FSTL4: variants seen among roughly 807,000 people sequenced by gnomAD.
FSTL4 encodes follistatin like 4, also known as follistatin-related protein 4.
FSTL4 carries 28 observed loss-of-function variants against 78.2 expected under a neutral mutation model. That is an observed-to-expected ratio of 0.36 (90% CI 0.27 to 0.49). The LOEUF (loss-of-function observed/expected upper bound fraction) is 0.49. Ranked by LOEUF, FSTL4 falls within the 20% of genes least tolerant of loss-of-function variation. The pLI is 0.98. For synonymous variants in FSTL4, 422 were observed against 440.5 expected, an observed-to-expected ratio of 0.96 and a Z score of 0.53; for missense variants, 922 against 1,084.9, an observed-to-expected ratio of 0.85 and a Z score of 2.11.
At chr5:133,822,930 A>G in the FSTL4 span, among the ~76,000 whole-genome samples, 1 of 152,240 alleles carries the variant, frequency 6.6e-6, no homozygotes, top group South Asian at 2.1e-4. Context: ...ATCTTACCTA[A>G]ACTACAGCAG....
At chr5:133,672,139 T>C in the FSTL4 span, among the ~76,000 whole-genome samples, 2 of 152,266 alleles carry the variant, frequency 1.3e-5, no homozygotes, top group African/African-American at 4.8e-5. Flanking sequence ...CTTGGTGAGG[T>C]TAAAGTTGAG....
At position 133,392,405 on chromosome 5, in the gene FSTL4, A is replaced by G. The variant is rs146018381; in HGVS notation, c.409+8333T>C. ...AGGGATGGGGGCTGGTCCCTAGAAG[A>G]CAGTGGAACAGGGTTGCAGAGAGGA... is the stretch of plus-strand genomic sequence containing the variant. On this transcript the variant is annotated intron_variant, in intron 4 of 15. Coordinates refer to ENST00000265342, the MANE Select transcript of FSTL4 (RefSeq NM_015082.2). 7.2e-3 allele frequency among the ~76,000 whole-genome samples: 1,100 copies of G among 152,278 alleles called. 4 individuals are homozygous for G. Among genetic ancestry groups the G allele is most frequent in the Non-Finnish European group, 9.7e-3 (661 of 68,028 alleles).
chr5:133,301,545 C>T (rs78631470), intron 6 of FSTL4, among the ~76,000 whole-genome samples: 1,837 of 152,254 alleles, frequency 0.012, 32 homozygotes, highest in African/African-American at 0.041. Context: ...TTGGAAGTGC[C>T]GCTCCATACA....
intron 2 of FSTL4, among the ~76,000 whole-genome samples, chr5:133,596,215 A>G (rs1760734369): frequency 6.6e-6 from 1 of 152,094 alleles, no homozygotes; most frequent in Non-Finnish European, 1.5e-5. Flanking sequence ...CAGCCTGAGC[A>G]GGGGAAGAGA....
At chr5:133,638,383 T>G in the FSTL4 span, among the ~76,000 whole-genome samples, 2 of 152,136 alleles carry the variant, frequency 1.3e-5, no homozygotes, top group Non-Finnish European at 2.9e-5. Flanking sequence ...ACTTCTCATC[T>G]CACTCCAAGG....
chr5:133,684,949 G>T, the FSTL4 span, among the ~76,000 whole-genome samples: 1 of 152,190 alleles, frequency 6.6e-6, no homozygotes, highest in Non-Finnish European at 1.5e-5. Flanking sequence ...TTTGTGACAA[G>T]ATTTAAATAG....
At chr5:133,520,354 C>G (rs1758952047) in intron 3 of FSTL4, among the ~76,000 whole-genome samples, 1 of 151,788 alleles carries the variant, frequency 6.6e-6, no homozygotes, top group Non-Finnish European at 1.5e-5. Context: ...ACTCAACCAT[C>G]CAGAGCACAC....
chr5:133,660,913 T>C, the FSTL4 span, among the ~76,000 whole-genome samples: 1 of 152,178 alleles, frequency 6.6e-6, no homozygotes. Flanking sequence ...AGACAGACAC[T>C]AACCAGTATG....
chr5:133,502,036 G>A (rs1398797627), intron 3 of FSTL4, among the ~76,000 whole-genome samples: 3 of 152,344 alleles, frequency 2.0e-5, no homozygotes, highest in Non-Finnish European at 2.9e-5. Context: ...GAAGCTGGAA[G>A]GGGCAGGAAG....
At chr5:133,671,085 T>A in the FSTL4 span, among the ~76,000 whole-genome samples, 1 of 152,150 alleles carries the variant, frequency 6.6e-6, no homozygotes, top group South Asian at 2.1e-4. Flanking sequence ...GCCTGCTCCA[T>A]GAAAATAAGC....
chr5:133,408,578 G>A (rs1026501657), intron 3 of FSTL4, among the ~76,000 whole-genome samples: 3 of 151,718 alleles, frequency 2.0e-5, no homozygotes, highest in Non-Finnish European at 2.9e-5. Context: ...GGGGTGGAGC[G>A]GGGGCGGGGT....
chr5:133,802,588 T>C, the FSTL4 span, among the ~76,000 whole-genome samples: 16 of 152,342 alleles, frequency 1.1e-4, no homozygotes, highest in East Asian at 1.9e-3. Flanking sequence ...GCTACACACA[T>C]GTAAGATGAT....
the FSTL4 span, among the ~76,000 whole-genome samples, chr5:133,841,244 A>G: frequency 6.6e-6 from 1 of 152,176 alleles, no homozygotes; most frequent in African/African-American, 2.4e-5. Context: ...ATCAGAAACT[A>G]TCCTCACTCA....
chr5:133,789,291 A>G, the FSTL4 span, among the ~76,000 whole-genome samples: 3 of 152,208 alleles, frequency 2.0e-5, no homozygotes, highest in African/African-American at 7.2e-5. Flanking sequence ...AAATTAGGAA[A>G]TCTCTTCCTT....
At chr5:133,389,236 T>G (rs767982817) in intron 4 of FSTL4, among the ~76,000 whole-genome samples, 6 of 152,216 alleles carry the variant, frequency 3.9e-5, no homozygotes, top group Non-Finnish European at 7.3e-5. Context: ...CCAGCTTCCC[T>G]TTCATTCGTG....
At position 133,552,571 on chromosome 5, in the gene FSTL4, T is replaced by C. The variant is rs181518274; in HGVS notation, c.160+14615A>G. ...TTCAAACGATGGCAACTCATTCATATTGAAATATTTTTATGTTTACAAAAA... is the reference window on the plus strand; with the variant it reads ...TTCAAACGATGGCAACTCATTCATACTGAAATATTTTTATGTTTACAAAAA... On this transcript the variant is annotated intron_variant, in intron 3 of 15. Transcript: ENST00000265342. 5.3e-5 allele frequency among the ~76,000 whole-genome samples: 8 copies of C among 152,370 alleles called. No individual in the cohort carries two copies. The East Asian group carries it at 5.8e-4, about 11-fold the overall frequency.
the FSTL4 span, among the ~76,000 whole-genome samples, chr5:133,818,120 C>A: frequency 1.3e-5 from 2 of 152,262 alleles, no homozygotes; most frequent in Non-Finnish European, 2.9e-5. Context: ...AGCCTTGTCA[C>A]CCCTTTAGGG....
chr5:133,748,875 G>A, the FSTL4 span, among the ~76,000 whole-genome samples: 4 of 152,178 alleles, frequency 2.6e-5, no homozygotes, highest in African/African-American at 4.8e-5. Context: ...GAATAGAAGC[G>A]AGAGAATTCC....
At chr5:133,539,418 G>A (rs1237101364) in intron 3 of FSTL4, among the ~76,000 whole-genome samples, 1 of 152,052 alleles carries the variant, frequency 6.6e-6, no homozygotes. Context: ...GAGGTTCCTA[G>A]GATTCAGCTC....
Sources: gnomAD v4.1 joint callset for allele counts (sites outside exome capture counted in the v4.1 genomes callset) on GRCh38, gnomAD v4.1.1 for gene constraint, MANE v1.5 for transcripts, NCBI Gene and HGNC (gene_info 2026-07-23, HGNC 2026-07-21) for gene names.